Variants in SPATA13 observed in about 807,000 individuals in gnomAD.
SPATA13 encodes the protein spermatogenesis associated 13.
Under a neutral mutation model 104.0 loss-of-function variants are expected in SPATA13, and 50 were observed. The observed-to-expected ratio is 0.48, with a 90% CI of 0.38 to 0.61. The LOEUF is 0.61. SPATA13 is among the 20% of genes least tolerant of loss of function. SPATA13 has a pLI of 0.00. For missense variants in SPATA13, 1,524 were observed against 1,690.6 expected (o/e 0.90, Z 1.73); for synonymous variants, 606 against 667.5 (o/e 0.91, Z 1.42).
At chr13:24,037,398 AATAC>A (rs1428287163) in intron 3 of SPATA13, among the ~76,000 whole-genome samples, 4 of 45,512 alleles carry the variant, frequency 8.8e-5, no homozygotes, top group Non-Finnish European at 2.2e-4. Context: ...GTTCTCGACT[AATAC>A]TTTATTTATT....
chr13:24,180,857 T>C (rs1339946088), intron 1 of SPATA13, among the ~76,000 whole-genome samples: 2 of 152,216 alleles, frequency 1.3e-5, no homozygotes, highest in Non-Finnish European at 2.9e-5. Flanking sequence ...TACGTTCTGA[T>C]AAATGCATTG....
chr13:24,006,570 A>G (rs554985710), intron 2 of SPATA13, among the ~76,000 whole-genome samples: 1 of 152,316 alleles, frequency 6.6e-6, no homozygotes, highest in African/African-American at 2.4e-5. Flanking sequence ...AGGCCGGCCC[A>G]AGTACTAATT....
At chr13:24,142,728 T>A (rs1881801989) in intron 3 of SPATA13, among the ~76,000 whole-genome samples, 1 of 152,102 alleles carries the variant, frequency 6.6e-6, no homozygotes, top group South Asian at 2.1e-4. Context: ...TCTCCTCCTT[T>A]TTCTCCTTCT....
intron 3 of SPATA13, among the ~76,000 whole-genome samples, chr13:24,030,285 A>C (rs1333457454): frequency 2.0e-5 from 3 of 152,142 alleles, no homozygotes; most frequent in Non-Finnish European, 4.4e-5. Flanking sequence ...CCATTATAGT[A>C]TCAGATGGAA....
At chr13:24,261,094 T>A (rs1054599808) in intron 4 of SPATA13, among the ~76,000 whole-genome samples, 1 of 152,170 alleles carries the variant, frequency 6.6e-6, no homozygotes, top group African/African-American at 2.4e-5. Flanking sequence ...CCTGGGCAAC[T>A]GGGAGCCACT....
intron 4 of SPATA13, among the ~76,000 whole-genome samples, chr13:24,254,814 GCTT>G (rs1340932863): frequency 1.6e-5 from 2 of 126,256 alleles, no homozygotes; most frequent in Admixed American, 9.2e-5. Flanking sequence ...TTTCTTGCTT[GCTT>G]CTTTTTTTTT....
At chr13:24,066,075 T>C (rs763607664) in intron 3 of SPATA13, among the ~76,000 whole-genome samples, 3 of 152,246 alleles carry the variant, frequency 2.0e-5, no homozygotes, top group Non-Finnish European at 4.4e-5. Context: ...TATAATCTAT[T>C]ACCATTATAA....
chr13:24,114,695 T>C (rs1880776987), intron 3 of SPATA13, among the ~76,000 whole-genome samples: 1 of 152,102 alleles, frequency 6.6e-6, no homozygotes, highest in African/African-American at 2.4e-5. Context: ...GGAGTTTTGC[T>C]CCTGTTGCCT....
At chr13:24,237,453 A>G (rs1872624525) in intron 2 of SPATA13, among the ~76,000 whole-genome samples, 1 of 152,222 alleles carries the variant, frequency 6.6e-6, no homozygotes, top group Non-Finnish European at 1.5e-5. Context: ...CAAAAGAATA[A>G]ATACTGTATG....
intron 4 of SPATA13, among the ~76,000 whole-genome samples, chr13:24,265,850 T>C (rs1012426408): frequency 6.6e-6 from 1 of 152,154 alleles, no homozygotes; most frequent in African/African-American, 2.4e-5. Flanking sequence ...GATATGTCTG[T>C]ACCATGAAGG....
chr13:24,074,028 T>G (rs1879247411), intron 3 of SPATA13, among the ~76,000 whole-genome samples: 1 of 152,266 alleles, frequency 6.6e-6, no homozygotes, highest in African/African-American at 2.4e-5. Flanking sequence ...TCTTAAAAAT[T>G]TGTGGTAAGA....
intron 1 of SPATA13, among the ~76,000 whole-genome samples, chr13:24,171,470 C>A (rs754782353): frequency 6.6e-6 from 1 of 152,226 alleles, no homozygotes; most frequent in African/African-American, 2.4e-5. Flanking sequence ...TCCTACTTCT[C>A]TCCCACCTAC....
intron 3 of SPATA13, among the ~76,000 whole-genome samples, chr13:24,026,277 A>G (rs1877212042): frequency 6.6e-6 from 1 of 152,224 alleles, no homozygotes; most frequent in African/African-American, 2.4e-5. Context: ...TAAAAGTCAC[A>G]TAGCTACCCT....
intron 3 of SPATA13, among the ~76,000 whole-genome samples, chr13:24,121,162 G>A (rs756740260): frequency 6.6e-6 from 1 of 151,890 alleles, no homozygotes; most frequent in Non-Finnish European, 1.5e-5. Flanking sequence ...TTACAGTAAG[G>A]TCTGGTATTC....
intron 3 of SPATA13, among the ~76,000 whole-genome samples, chr13:24,073,229 T>G (rs890625785): frequency 6.6e-6 from 1 of 152,154 alleles, no homozygotes; most frequent in Non-Finnish European, 1.5e-5. Context: ...TCTGTACTGT[T>G]CACCTTGCAA....
At chr13:24,215,216 G>A (rs1199301072) in intron 1 of SPATA13, among the ~76,000 whole-genome samples, 2 of 152,198 alleles carry the variant, frequency 1.3e-5, no homozygotes, top group African/African-American at 4.8e-5. Flanking sequence ...TGACTGTCGT[G>A]CATGTCCTAA....
chr13:24,248,416 C>A (rs985792643), intron 2 of SPATA13, among the ~76,000 whole-genome samples: 2 of 152,202 alleles, frequency 1.3e-5, no homozygotes, highest in African/African-American at 4.8e-5. Context: ...CATGTCTGCT[C>A]GATTCCCAGC....
chr13:24,000,101 A>G (rs1366446700), intron 2 of SPATA13, among the ~76,000 whole-genome samples: 1 of 152,238 alleles, frequency 6.6e-6, no homozygotes, highest in African/African-American at 2.4e-5. Context: ...TGGTGAGGTA[A>G]GAAACCTAGT....
chr13:24,020,620 G>C (rs1340730508), intron 3 of SPATA13, among the ~76,000 whole-genome samples: 1 of 152,134 alleles, frequency 6.6e-6, no homozygotes, highest in African/African-American at 2.4e-5. Context: ...GTAATAAGCA[G>C]TAGTATGATT....
Sources: gnomAD v4.1 joint callset for allele counts (sites outside exome capture counted in the v4.1 genomes callset) on GRCh38, gnomAD v4.1.1 for gene constraint, MANE v1.5 for transcripts, NCBI Gene and HGNC (gene_info 2026-07-23, HGNC 2026-07-21) for gene names.